The following EYA1 variants were observed in gnomAD, a reference collection of about 807,000 sequenced individuals.
The protein encoded by EYA1 is EYA transcriptional coactivator and phosphatase 1.
EYA1 carries 16 observed loss-of-function variants against 82.0 expected under a neutral mutation model. That is an observed-to-expected ratio of 0.20 (90% CI 0.13 to 0.30). The LOEUF (loss-of-function observed/expected upper bound fraction) is 0.30, where lower values mean the gene tolerates loss of function less well. EYA1 is among the 10% of genes least tolerant of loss of function. The probability of loss-of-function intolerance (pLI) is 1.00; values close to 1 mark genes in which losing one functional copy is unlikely to be tolerated. For missense variants in EYA1, 633 were observed against 730.7 expected, an observed-to-expected ratio of 0.87 and a Z score of 1.54; for synonymous variants, 261 against 264.4, an observed-to-expected ratio of 0.99 and a Z score of 0.12.
intron 6 of EYA1, 131 bp downstream of exon 6, chr8:71,321,603 A>G (rs1433522607): frequency 2.5e-6 from 3 of 1,182,164 alleles, no homozygotes; most frequent in Non-Finnish European, 1.2e-6. Flanking sequence ...CAATCATACT[A>G]AGAATTTAGA....
At chr8:71,237,654 A>G (rs1197887944) in intron 12 of EYA1, among the ~76,000 whole-genome samples, 2 of 152,192 alleles carry the variant, frequency 1.3e-5, no homozygotes, top group African/African-American at 4.8e-5. Context: ...TATTTCCATA[A>G]GACAGTCAAC....
intron 12 of EYA1, among the ~76,000 whole-genome samples, chr8:71,226,657 C>CT (rs1810594366): frequency 6.8e-6 from 1 of 147,794 alleles, no homozygotes; most frequent in Non-Finnish European, 1.5e-5. Context: ...AATCCATTAC[C>CT]TTAGTGACTC....
chr8:71,458,549 A>G (rs1808132145), intron 2 of EYA1, among the ~76,000 whole-genome samples: 1 of 152,150 alleles, frequency 6.6e-6, no homozygotes, highest in African/African-American at 2.4e-5. Flanking sequence ...TAGGTATTAC[A>G]TAGCTCCAAA....
At chr8:71,298,662 A>C (rs1417345840) in intron 9 of EYA1, among the ~76,000 whole-genome samples, 1 of 152,174 alleles carries the variant, frequency 6.6e-6, no homozygotes. Context: ...TTTGATGAAA[A>C]ACACTAAATA....
At chr8:71,355,805 T>A (rs896898920) in intron 2 of EYA1, among the ~76,000 whole-genome samples, 40 of 152,366 alleles carry the variant, frequency 2.6e-4, no homozygotes, top group African/African-American at 9.4e-4. Context: ...CCACTACTCA[T>A]GTTCACAATT....
intron 4 of EYA1, among the ~76,000 whole-genome samples, chr8:71,333,397 G>C (rs1391782475): frequency 6.6e-6 from 1 of 151,298 alleles, no homozygotes; most frequent in African/African-American, 2.4e-5. Flanking sequence ...ATTATAGCAG[G>C]CAATATTAAA....
At chr8:71,369,032 C>CA (rs60647486) in intron 2 of EYA1, among the ~76,000 whole-genome samples, 20,293 of 111,502 alleles carry the variant, frequency 0.18, 1,758 homozygotes, top group South Asian at 0.22. Context: ...ACTAAAAATA[C>CA]AAAAAAAAAA....
At chr8:71,521,407 G>A (rs184164487) in intron 2 of EYA1, among the ~76,000 whole-genome samples, 2 of 152,012 alleles carry the variant, frequency 1.3e-5, no homozygotes, top group African/African-American at 4.8e-5. Flanking sequence ...AACTACATAT[G>A]GGAATTATAA....
chr8:71,248,362 TA>T (rs1813354510), intron 11 of EYA1, among the ~76,000 whole-genome samples: 1 of 152,194 alleles, frequency 6.6e-6, no homozygotes, highest in Admixed American at 6.5e-5. Flanking sequence ...CAATGCTCAG[TA>T]AAAAACACAA....
intron 2 of EYA1, among the ~76,000 whole-genome samples, chr8:71,481,552 A>G (rs902420988): frequency 6.6e-6 from 1 of 152,196 alleles, no homozygotes; most frequent in African/African-American, 2.4e-5. Flanking sequence ...ACTATGCAAG[A>G]TGCTGAATAT....
intron 2 of EYA1, among the ~76,000 whole-genome samples, chr8:71,532,377 G>GCCTCCTCCTCAGC (rs1213913931): frequency 6.6e-6 from 1 of 152,122 alleles, no homozygotes; most frequent in Non-Finnish European, 1.5e-5. Context: ...GCTATTGCCA[G>GCCTCCTCCTCAGC]CCTCCTCCTC....
At chr8:71,269,689 G>T in intron 11 of EYA1, 51 bp downstream of exon 11, 1 of 1,245,628 alleles carries the variant, frequency 8.0e-7, no homozygotes, top group Non-Finnish European at 1.2e-6. Flanking sequence ...AAACAAATTA[G>T]AGGTATATTT....
At position 71,317,549 on chromosome 8, in the gene EYA1, G is replaced by C. The variant is rs747249447; in HGVS notation, c.556+3C>G. The C allele has an allele frequency of 3.1e-6, 5 of 1,613,756 alleles. No homozygotes were observed. Among genetic ancestry groups the C allele is most frequent in the Non-Finnish European group, 4.2e-6 (5 of 1,179,794 alleles). The stretch of plus-strand genomic sequence containing the variant: ...AGGAAAATAGCAATGTGTATATACA[G>C]ACCTTGCATCTGGTAGCTGTATGGT... On this transcript the variant is annotated splice_donor_region_variant and intron_variant, in intron 7 of 17. Coordinates refer to ENST00000340726, the MANE Select transcript of EYA1 (RefSeq NM_000503.6).
At chr8:71,480,307 G>C (rs559848598) in intron 2 of EYA1, among the ~76,000 whole-genome samples, 1 of 152,182 alleles carries the variant, frequency 6.6e-6, no homozygotes, top group African/African-American at 2.4e-5. Flanking sequence ...TTGTAAATGG[G>C]GATGATGTGA....
At chr8:71,401,749 G>A (rs534993437) in intron 2 of EYA1, among the ~76,000 whole-genome samples, 4 of 152,296 alleles carry the variant, frequency 2.6e-5, no homozygotes, top group South Asian at 2.1e-4. Flanking sequence ...TAGAAGCTCC[G>A]CTTGGCATTG....
chr8:71,456,251 T>G (rs1304965906), intron 2 of EYA1, among the ~76,000 whole-genome samples: 2 of 151,984 alleles, frequency 1.3e-5, no homozygotes, highest in Non-Finnish European at 2.9e-5. Flanking sequence ...CTCAACAAAA[T>G]AAAAGAGGAC....
chr8:71,458,436 T>C (rs1808122302), intron 2 of EYA1, among the ~76,000 whole-genome samples: 2 of 152,056 alleles, frequency 1.3e-5, no homozygotes, highest in African/African-American at 4.8e-5. Context: ...TTTAAGGACT[T>C]CTTAGAGTTC....
intron 2 of EYA1, among the ~76,000 whole-genome samples, chr8:71,398,219 T>C (rs1829744742): frequency 6.6e-6 from 1 of 152,198 alleles, no homozygotes; most frequent in African/African-American, 2.4e-5. Flanking sequence ...TTTAGCTTCT[T>C]TGCAATGGGT....
intron 3 of EYA1, among the ~76,000 whole-genome samples, chr8:71,338,346 AAGG>A (rs1824737837): frequency 6.6e-6 from 1 of 152,250 alleles, no homozygotes; most frequent in African/African-American, 2.4e-5. Flanking sequence ...AGGCTAATAG[AAGG>A]AGAATGGTTT....
Sources: allele counts gnomAD v4.1 joint callset (sites outside exome capture counted in the v4.1 genomes callset), GRCh38; gene constraint gnomAD v4.1.1; transcripts MANE v1.5; gene names NCBI Gene and HGNC (gene_info 2026-07-23, HGNC 2026-07-21).